Variants in NFASC observed in about 807,000 individuals in gnomAD.
NFASC encodes neurofascin homolog.
NFASC carries 43 observed loss-of-function variants against 147.5 expected under a neutral mutation model. That is an observed-to-expected ratio of 0.29 (90% CI 0.23 to 0.38). The LOEUF is 0.38. NFASC is among the 10% of genes least tolerant of loss of function. NFASC has a pLI of 1.00. For synonymous variants in NFASC, 622 were observed against 665.5 expected (o/e 0.93, Z 1.01); for missense variants, 1,320 against 1,689.0 (o/e 0.78, Z 3.83).
intron 2 of NFASC, among the ~76,000 whole-genome samples, chr1:204,932,377 T>C (rs534458770): frequency 6.6e-6 from 1 of 152,310 alleles, no homozygotes; most frequent in Non-Finnish European, 1.5e-5. Context: ...AGAGGCAGGA[T>C]TGAAACCTTT....
At chr1:204,980,542 C>A in intron 20 of NFASC, 102 bp downstream of exon 20, 1 of 875,366 alleles carries the variant, frequency 1.1e-6, no homozygotes, top group Non-Finnish European at 1.8e-6. Context: ...TGATGTGGTT[C>A]AGACTCTCTG....
Position 205,016,779 on chromosome 1 carries a change from G to T in NFASC, c.*240G>T. The T allele has an allele frequency of 3.4e-6, 2 of 585,082 alleles. No homozygotes were observed. The highest frequency in any genetic ancestry group is 6.3e-6 in the Non-Finnish European group (2 of 317,212). 36.2% of individuals were successfully genotyped at this position (585,082 alleles called of 1,614,324 possible). On this transcript the variant is annotated 3_prime_UTR_variant, in exon 30 of 30. Transcript: ENST00000339876. This position sits in a 1 kb window ranked among gnomAD's most constrained non-coding sequence, Gnocchi z 5.1. ...AGAGCTGGAGCCGTGGCTGAGCTCAGCTGGAGGGAGCCTGGCCCCTTGCCC... is the reference window on the plus strand; with the variant it reads ...AGAGCTGGAGCCGTGGCTGAGCTCATCTGGAGGGAGCCTGGCCCCTTGCCC...
chr1:204,847,640 G>C (rs2075297789), intron 1 of NFASC, among the ~76,000 whole-genome samples: 1 of 152,104 alleles, frequency 6.6e-6, no homozygotes, highest in East Asian at 1.9e-4. Context: ...GGAAGTCAGG[G>C]GGTTGCAGAG....
Position 204,988,755 on chromosome 1 carries a change from G to C in NFASC, c.2716G>C (p.Val906Leu), listed in dbSNP as rs756189110. 2 of 1,614,230 alleles carry C rather than the reference G, an allele frequency of 1.2e-6. No homozygotes were observed. The highest frequency in any genetic ancestry group is 1.7e-5 in the Admixed American group (1 of 60,020). ...YRFTLSARTQ[V>L]GSGEAVTEES... The stretch of plus-strand genomic sequence containing the variant: ...CTTTACCCTCAGCGCCAGGACGCAG[G>C]TGGGCTCTGGGGAAGCCGTCACAGA... The change falls in exon 23 of 30, where the codon GTG becomes CTG. Residue 906 changes from valine to leucine, a missense_variant. Around this residue, in one of 3 missense-constraint regions of NFASC, gnomAD observed 981 missense variants for 1,289.5 expected, o/e 0.76. Transcript: ENST00000339876.
intron 2 of NFASC, among the ~76,000 whole-genome samples, chr1:204,930,980 A>G (rs1255622844): frequency 2.6e-5 from 4 of 152,150 alleles, no homozygotes; most frequent in African/African-American, 7.2e-5. Context: ...AGATTCCTGG[A>G]TGACTTTTTC....
intron 20 of NFASC, among the ~76,000 whole-genome samples, chr1:204,981,409 G>A (rs920312503): frequency 6.6e-6 from 1 of 152,282 alleles, no homozygotes; most frequent in Non-Finnish European, 1.5e-5. Context: ...GAGCCATGCT[G>A]TGGTTAACCA....
intron 1 of NFASC, among the ~76,000 whole-genome samples, chr1:204,908,538 A>G (rs2086549751): frequency 6.6e-6 from 1 of 152,150 alleles, no homozygotes; most frequent in South Asian, 2.1e-4. Context: ...TTATAGATTC[A>G]CATTCAGTTG....
At chr1:204,876,976 C>T (rs1572350661) in intron 1 of NFASC, among the ~76,000 whole-genome samples, 1 of 119,008 alleles carries the variant, frequency 8.4e-6, no homozygotes, top group East Asian at 2.6e-4. Flanking sequence ...GAATTTATGC[C>T]AAATGAGTTG....
intron 1 of NFASC, among the ~76,000 whole-genome samples, chr1:204,898,403 GT>G (rs766620686): frequency 9.2e-5 from 14 of 152,200 alleles, no homozygotes; most frequent in Non-Finnish European, 2.1e-4. Context: ...TTTCCCTCGA[GT>G]TTCTTAGGAA....
chr1:204,854,763 T>C (rs1004993802), intron 1 of NFASC, among the ~76,000 whole-genome samples: 1 of 152,208 alleles, frequency 6.6e-6, no homozygotes, highest in Non-Finnish European at 1.5e-5. Flanking sequence ...TCTTTGCTTC[T>C]TCAAGGTTCC....
At chr1:204,901,657 T>C (rs2084624748) in intron 1 of NFASC, among the ~76,000 whole-genome samples, 1 of 152,000 alleles carries the variant, frequency 6.6e-6, no homozygotes, top group Non-Finnish European at 1.5e-5. Context: ...GGCCTTTCCT[T>C]GTGAAGGAAA....
chr1:204,974,828 AG>A lies in NFASC; in HGVS notation c.1558+7del. The A allele has an allele frequency of 6.2e-7, 1 of 1,613,512 alleles. No individual in the cohort carries two copies. Among genetic ancestry groups the A allele is most frequent in the Non-Finnish European group, 8.5e-7 (1 of 1,179,682 alleles). ...AAGTCCGCCTGGAGGTCAAAGGTAA[AG>A]GAGAGGGTTCGCCAGTGGGAGTTTG... On this transcript the variant is annotated splice_donor_region_variant and intron_variant, in intron 14 of 29. Transcript: ENST00000339876.
intron 1 of NFASC, among the ~76,000 whole-genome samples, chr1:204,847,326 TACG>T (rs1043111913): frequency 3.3e-5 from 5 of 152,214 alleles, no homozygotes; most frequent in African/African-American, 1.2e-4. Context: ...ACATTCTACT[TACG>T]ACATTTTTTC....
chr1:204,899,029 A>G (rs1036511041), intron 1 of NFASC, among the ~76,000 whole-genome samples: 24 of 152,324 alleles, frequency 1.6e-4, no homozygotes, highest in Admixed American at 9.1e-4. Context: ...GGGGAGGCAC[A>G]GCTCCTGCGA....
At position 204,975,331 on chromosome 1, in the gene NFASC, A is replaced by C. The variant is rs1173227415; in HGVS notation, c.1619A>C (p.Gln540Pro). Residue 540 changes from glutamine (Q) to proline (P), a missense_variant, in exon 15 of 30, where the codon CAG (glutamine) becomes CCG (proline). Around this residue, in one of 3 missense-constraint regions of NFASC, gnomAD observed 981 missense variants for 1,289.5 expected, o/e 0.76. Transcript: ENST00000339876. The surrounding 1 kb of genome is among the most constrained non-coding windows in gnomAD (Gnocchi z 4.0). The stretch of plus-strand genomic sequence containing the variant: ...GTGGCCAGAAGGGGCACCACGGTGC[A>C]GCTGGAGTGTCGGGTGAAGCACGAC... ...DQVARRGTTV[Q>P]LECRVKHDPS... 6.2e-7 allele frequency: 1 copy of C among 1,614,094 alleles called. No homozygotes were observed. Among genetic ancestry groups the C allele is most frequent in the South Asian group, 1.1e-5 (1 of 91,090 alleles).
chr1:204,916,505 G>C (rs910469746), intron 1 of NFASC, among the ~76,000 whole-genome samples: 2 of 152,066 alleles, frequency 1.3e-5, no homozygotes, highest in African/African-American at 4.8e-5. Flanking sequence ...ATTTTTAAAT[G>C]GCAGTAAAAT....
chr1:204,874,577 A>G (rs2078377328), intron 1 of NFASC, among the ~76,000 whole-genome samples: 1 of 151,294 alleles, frequency 6.6e-6, no homozygotes. Flanking sequence ...TCCTGAATCT[A>G]CTTCCCTCCA....
chr1:204,877,014 AT>A (rs1558547849), intron 1 of NFASC, among the ~76,000 whole-genome samples: 4 of 111,838 alleles, frequency 3.6e-5, no homozygotes, highest in African/African-American at 1.2e-4. Flanking sequence ...ATATATATAT[AT>A]ATATATATAT....
At chr1:204,910,969 G>C (rs532081007) in intron 1 of NFASC, among the ~76,000 whole-genome samples, 1 of 152,096 alleles carries the variant, frequency 6.6e-6, no homozygotes, top group Non-Finnish European at 1.5e-5. Context: ...TTTCAGCACT[G>C]TGTTGAATAA....
Sources: gnomAD v4.1 joint callset for allele counts (sites outside exome capture counted in the v4.1 genomes callset) on GRCh38, gnomAD v4.1.1 for gene constraint, gnomAD v4.1.1 regional missense constraint, Gnocchi (gnomAD v3.1) non-coding constraint, MANE v1.5 for transcripts, NCBI Gene and HGNC (gene_info 2026-07-23, HGNC 2026-07-21) for gene names.